TRAPPC2L: variants seen among roughly 807,000 people sequenced by gnomAD.
TRAPPC2L encodes trafficking protein particle complex subunit 2-like protein.
TRAPPC2L carries 17 observed loss-of-function variants against 13.2 expected under a neutral mutation model. The ratio of observed to expected loss-of-function variants is 1.29; its 90% CI spans 0.88 to 1.93. TRAPPC2L has a LOEUF of 1.93. TRAPPC2L is among the 30% of genes most tolerant of loss of function. The pLI is 0.00. For synonymous variants in TRAPPC2L, 150 were observed against 98.1 expected, an observed-to-expected ratio of 1.53 and a Z score of -3.12; for missense variants, 359 against 252.1, an observed-to-expected ratio of 1.42 and a Z score of -2.87.
rs183560836 is a variant in TRAPPC2L at position 88,860,552 on chromosome 16, G to C, written c.*228G>C. 227 of 592,378 alleles carry C rather than the reference G, an allele frequency of 3.8e-4. 1 individual carries two copies. The highest frequency in any genetic ancestry group is 3.8e-3 in the African/African-American group (204 of 53,826). The allele number at this position is 592,378 out of a possible 1,614,324, so 36.7% of individuals were successfully genotyped here. On this transcript the variant is annotated 3_prime_UTR_variant, in exon 4 of 4. Coordinates refer to ENST00000565504, the Ensembl canonical transcript of TRAPPC2L. ...CAAGGCAGGCCCCTCCCTCCACCAG[G>C]ACACTGTCTTGGGGCCATCCTGGTC...
rs768262067 is a variant in TRAPPC2L at position 88,858,503 on chromosome 16, G to C, written c.34-116G>C. On this transcript the variant is annotated intron_variant, in intron 1 of 3. Transcript: ENST00000565504. ...ATAGAGAATGAAGCGGTGGGCCTTA[G>C]AGCATGGGAATGCGTTCCCCGGGTG... 3 of 1,133,148 alleles carry C rather than the reference G, an allele frequency of 2.6e-6. No individual in the cohort carries two copies. The South Asian group carries it at 4.3e-5, about 16-fold the overall frequency. The allele number at this position is 1,133,148 out of a possible 1,614,324, so 70.2% of individuals were successfully genotyped here.
rs754866994 is a variant in TRAPPC2L at position 88,860,183 on chromosome 16, A to G, written c.585A>G (p.Arg195=). 36 of 710,444 alleles carry G rather than the reference A, an allele frequency of 5.1e-5. No homozygotes were observed. The South Asian group carries it at 5.3e-4, about 10-fold the overall frequency. The allele number at this position is 710,444 out of a possible 1,614,324, so 44.0% of individuals were successfully genotyped here. The change falls in exon 4 of 4, where the codon AGA becomes AGG. Residue 195 remains arginine (R), a synonymous_variant. Coordinates refer to ENST00000565504, the Ensembl canonical transcript of TRAPPC2L. ...GATCTCCAGCGCATAAAGTGGATAG[A>G]GTGTGTGTGGTGTGGGGAGTAGAGC...
At chr16:88,857,632 C>T (rs1165199842) in intron 1 of TRAPPC2L, among the ~76,000 whole-genome samples, 2 of 152,240 alleles carry the variant, frequency 1.3e-5, no homozygotes, top group Non-Finnish European at 2.9e-5. Flanking sequence ...CTTCTCGTTG[C>T]CTTAGGATGC....
exon 4 of TRAPPC2L, chr16:88,861,602 G>C (rs1215909049): frequency 6.2e-6 from 3 of 481,446 alleles, no homozygotes; most frequent in East Asian, 6.5e-5. Context: ...CTGCCTGTTG[G>C]TGCTGAGGGG....
chr16:88,856,222 T>C (rs3784878), upstream of TRAPPC2L: 18,285 of 702,918 alleles, frequency 0.026, 301 homozygotes, highest in African/African-American at 0.054. Context: ...CTCAGCATTC[T>C]CCAGAGGACA....
intron 1 of TRAPPC2L, chr16:88,857,471 C>T (rs1444742475): frequency 7.2e-6 from 3 of 416,664 alleles, no homozygotes; most frequent in African/African-American, 6.2e-5. Flanking sequence ...GGCACTACCT[C>T]CGTCCTCCGT....
intron 2 of TRAPPC2L, chr16:88,859,424 G>C (rs950902143): frequency 4.6e-5 from 32 of 700,368 alleles, no homozygotes; most frequent in Non-Finnish European, 8.3e-5. Context: ...AGGTGGTTCG[G>C]CTCCTGGAGT....
chr16:88,856,727 G>T, upstream of TRAPPC2L: 3 of 413,764 alleles, frequency 7.3e-6, no homozygotes, highest in Non-Finnish European at 1.3e-5. Context: ...GCCCCACCCC[G>T]GCCCTGCCCC....
At chr16:88,858,571 C>T (rs199882711) in intron 1 of TRAPPC2L, 48 bp from the exon 2 acceptor site, 454 of 1,591,554 alleles carry the variant, frequency 2.9e-4, no homozygotes, top group Non-Finnish European at 3.7e-4. Flanking sequence ...AGCTGGTGTG[C>T]GCTGGGTGGA....
At chr16:88,862,501 CGT>C (rs948127381) in exon 4 of TRAPPC2L, 6 of 152,336 alleles carry the variant, frequency 3.9e-5, no homozygotes. Context: ...GTCCTGAGAG[CGT>C]GAGGAAAGGG....
At position 88,861,077 on chromosome 16, in the gene TRAPPC2L, G is replaced by A. The variant is rs1353935679; in HGVS notation, c.*753G>A. The A allele has an allele frequency of 9.8e-5, 96 of 977,220 alleles. No homozygotes were observed. In the East Asian group the frequency reaches 2.5e-3, roughly 26 times the overall value. 60.5% of individuals were successfully genotyped at this position (977,220 alleles called of 1,614,324 possible). ...CCTGGGGCTTTCAGGGCAGGCAGCTGTGCATGTTCTCTCAACTAAAGGTCT... is the reference window on the plus strand; with the variant it reads ...CCTGGGGCTTTCAGGGCAGGCAGCTATGCATGTTCTCTCAACTAAAGGTCT... On this transcript the variant is annotated 3_prime_UTR_variant, in exon 4 of 4. Coordinates refer to ENST00000565504, the Ensembl canonical transcript of TRAPPC2L.
chr16:88,856,295 G>GT, upstream of TRAPPC2L: 1 of 702,882 alleles, frequency 1.4e-6, no homozygotes, highest in Non-Finnish European at 2.6e-6. Flanking sequence ...GGTGGCGGGA[G>GT]TGATTCCTAG....
Position 88,860,152 on chromosome 16 carries a change from T to C in TRAPPC2L, c.554T>C (p.Leu185Ser), listed in dbSNP as rs113458913. The C allele has an allele frequency of 7.6e-4, 540 of 714,982 alleles. 3 individuals carry two copies. The African/African-American group carries it at 8.2e-3, about 11-fold the overall frequency. The allele number at this position is 714,982 out of a possible 1,614,324, so 44.3% of individuals were successfully genotyped here. Residue 185 changes from leucine to serine, a missense_variant, in exon 4 of 4, where the codon TTA becomes TCA. Transcript: ENST00000565504. ...AGCCCCGTTTCTCCACACCAACTCT[T>C]ACACAGATCTCCAGCGCATAAAGTG...
At position 88,860,254 on chromosome 16, in the gene TRAPPC2L, C is replaced by T. The variant is rs1273030629; in HGVS notation, c.656C>T (p.Thr219Ile). The change falls in exon 4 of 4, where the codon ACC becomes ATC. Residue 219 changes from threonine to isoleucine, a missense_variant. Coordinates refer to ENST00000565504, the Ensembl canonical transcript of TRAPPC2L. Reference sequence around the variant, plus strand: ...GTGTGCCCAGTGGGTACCTGGGGCACCTGCAGGACTCAGGGCCAAGCACAT... The same window carrying T: ...GTGTGCCCAGTGGGTACCTGGGGCATCTGCAGGACTCAGGGCCAAGCACAT... The T allele has an allele frequency of 1.1e-5, 8 of 702,258 alleles. No homozygotes were observed. In the Admixed American group the frequency reaches 1.6e-4, roughly 14 times the overall value. The allele number at this position is 702,258 out of a possible 1,614,324, so 43.5% of individuals were successfully genotyped here.
At chr16:88,860,362 T>A (rs1179982881) in exon 4 of TRAPPC2L, 1 of 654,110 alleles carries the variant, frequency 1.5e-6, no homozygotes, top group Non-Finnish European at 2.8e-6. Flanking sequence ...GGAACCTGGT[T>A]TGCAGGTGTC....
intron 2 of TRAPPC2L, 127 bp downstream of exon 2, chr16:88,858,918 G>A: frequency 1.0e-6 from 1 of 999,950 alleles, no homozygotes. Context: ...GGGAATTAGG[G>A]TAGCTTGAGG....
exon 4 of TRAPPC2L, chr16:88,861,767 C>T (rs545393388): frequency 2.3e-6 from 1 of 441,864 alleles, no homozygotes; most frequent in South Asian, 1.6e-5. Context: ...AGCACTGGTC[C>T]AGGACTGGAG....
At chr16:88,857,035 C>G, upstream of TRAPPC2L, 1 of 1,426,406 alleles carries the variant, frequency 7.0e-7, no homozygotes, top group Non-Finnish European at 9.1e-7. Flanking sequence ...CCTGGACTGC[C>G]TCGTGACCAG....
At chr16:88,856,411 G>T, upstream of TRAPPC2L, 1 of 701,432 alleles carries the variant, frequency 1.4e-6, no homozygotes, top group South Asian at 1.5e-5. Flanking sequence ...GGAAAGGTCA[G>T]ACGGGGGAGG....
Sources: gnomAD v4.1 joint callset for allele counts (sites outside exome capture counted in the v4.1 genomes callset) on GRCh38, gnomAD v4.1.1 for gene constraint, MANE v1.5 for transcripts, NCBI Gene and HGNC (gene_info 2026-07-23, HGNC 2026-07-21) for gene names.